AGBL4: variants seen among roughly 807,000 people sequenced by gnomAD.
AGBL4 encodes the protein cytosolic carboxypeptidase 6.
A neutral mutation model predicts 66.4 loss-of-function variants in AGBL4; 58 were observed. That is an observed-to-expected ratio of 0.87 (90% CI 0.71 to 1.09). The LOEUF (loss-of-function observed/expected upper bound fraction) is 1.09, where lower values mean the gene tolerates loss of function less well. Among genes scored for constraint, AGBL4 ranks in the 50% least tolerant of loss-of-function variants. AGBL4 has a pLI of 0.00. For missense variants in AGBL4, 579 were observed against 631.0 expected (o/e 0.92, Z 0.88); for synonymous variants, 234 against 222.9 (o/e 1.05, Z -0.44).
At chr1:49,149,692 T>C (rs559002337) in intron 4 of AGBL4, among the ~76,000 whole-genome samples, 1 of 152,318 alleles carries the variant, frequency 6.6e-6, no homozygotes, top group South Asian at 2.1e-4. Context: ...TTTGTAGCGG[T>C]ACCATGAATG....
chr1:49,187,384 A>AATCC (rs1208293940), intron 4 of AGBL4: 1 of 152,188 alleles, frequency 6.6e-6, no homozygotes, highest in Non-Finnish European at 1.5e-5. Flanking sequence ...TTCAAATAGG[A>AATCC]ATCCAGTCAT....
At chr1:48,827,818 A>G (rs968074930) in intron 6 of AGBL4, among the ~76,000 whole-genome samples, 2 of 152,168 alleles carry the variant, frequency 1.3e-5, no homozygotes, top group Non-Finnish European at 2.9e-5. Context: ...CACAAAAGTG[A>G]AAACAGGCTG....
intron 1 of AGBL4, among the ~76,000 whole-genome samples, chr1:50,012,445 C>T (rs1661620824): frequency 6.6e-6 from 1 of 152,190 alleles, no homozygotes; most frequent in East Asian, 1.9e-4. Flanking sequence ...TATATCAAAA[C>T]ATCACATGTA....
In AGBL4 at chr1:48,835,169, T is replaced by C. The variant is rs528296752; in HGVS notation, c.634+32022A>G. On this transcript the variant is annotated intron_variant, in intron 6 of 13. Coordinates refer to ENST00000371839, the MANE Select transcript of AGBL4 (RefSeq NM_032785.4). Reference sequence around the variant, plus strand: ...TATTTTATGCTACTAAATGGACTTATGGGTTTGGCCCTACTCAGTGAGGTT... The same window carrying C: ...TATTTTATGCTACTAAATGGACTTACGGGTTTGGCCCTACTCAGTGAGGTT... Among the ~76,000 whole-genome samples the C allele has an allele frequency of 6.6e-5, 10 of 152,258 alleles. No individual in the cohort carries two copies. In the East Asian group the frequency reaches 1.7e-3, roughly 26 times the overall value.
intron 9 of AGBL4, among the ~76,000 whole-genome samples, chr1:48,612,073 C>A (rs1336454021): frequency 2.0e-5 from 3 of 152,244 alleles, no homozygotes; most frequent in African/African-American, 4.8e-5. Context: ...TACTGAGGAG[C>A]AGTCACTGGC....
intron 5 of AGBL4, among the ~76,000 whole-genome samples, chr1:48,899,758 A>G (rs1193463196): frequency 6.6e-6 from 1 of 152,264 alleles, no homozygotes; most frequent in Non-Finnish European, 1.5e-5. Context: ...TTTATTGAGC[A>G]TCTACTATGT....
At chr1:49,670,521 A>G (rs577815022) in intron 3 of AGBL4, among the ~76,000 whole-genome samples, 1 of 152,302 alleles carries the variant, frequency 6.6e-6, no homozygotes, top group South Asian at 2.1e-4. Flanking sequence ...GATGAGTCAT[A>G]GGAGGGCTGA....
At chr1:49,384,638 C>T (rs1286508693) in intron 3 of AGBL4, among the ~76,000 whole-genome samples, 1 of 151,822 alleles carries the variant, frequency 6.6e-6, no homozygotes, top group Non-Finnish European at 1.5e-5. Flanking sequence ...AGCCAACAGG[C>T]ATATGAAAAG....
intron 6 of AGBL4, chr1:48,776,992 A>C: frequency 6.7e-6 from 1 of 149,194 alleles, no homozygotes; most frequent in Non-Finnish European, 1.3e-5. Flanking sequence ...TCCTGAAAGC[A>C]CCGTTCTGCC....
In AGBL4 at chr1:49,360,875, C is replaced by A. The variant is rs117500030; in HGVS notation, c.283-115011G>T. Among the ~76,000 whole-genome samples the A allele has an allele frequency of 5.1e-3, 782 of 152,172 alleles. 14 individuals carry two copies. The highest frequency in any genetic ancestry group is 0.04 in the East Asian group (209 of 5,172). On this transcript the variant is annotated intron_variant, in intron 3 of 13. Coordinates refer to ENST00000371839, the MANE Select transcript of AGBL4 (RefSeq NM_032785.4). ...TTGCCCAGGCTGGAGTACAGTGGCA[C>A]AACCTCTGCCTTCCAGGTTCAAGCA...
intron 11 of AGBL4, among the ~76,000 whole-genome samples, chr1:48,567,245 G>C (rs1200981569): frequency 6.6e-6 from 1 of 152,182 alleles, no homozygotes; most frequent in African/African-American, 2.4e-5. Flanking sequence ...ATTTCACCTT[G>C]CTAAATCTTA....
chr1:48,598,014 C>T (rs1645021778), intron 9 of AGBL4, among the ~76,000 whole-genome samples: 1 of 151,702 alleles, frequency 6.6e-6, no homozygotes, highest in Non-Finnish European at 1.5e-5. Flanking sequence ...AAACAAAGGC[C>T]CTAAAGCAAG....
intron 9 of AGBL4, among the ~76,000 whole-genome samples, chr1:48,594,073 C>T (rs1295476724): frequency 6.6e-6 from 1 of 152,142 alleles, no homozygotes; most frequent in Non-Finnish European, 1.5e-5. Context: ...CGCCTGTAAT[C>T]CCAGCACTTT....
At chr1:50,011,982 AC>A (rs1661571411) in intron 1 of AGBL4, among the ~76,000 whole-genome samples, 1 of 151,934 alleles carries the variant, frequency 6.6e-6, no homozygotes. Flanking sequence ...ACAAGGTGAA[AC>A]CCCGTCTCTA....
At chr1:48,773,259 AT>A (rs1225501577) in intron 6 of AGBL4, among the ~76,000 whole-genome samples, 3 of 152,094 alleles carry the variant, frequency 2.0e-5, no homozygotes, top group Non-Finnish European at 4.4e-5. Context: ...TAAAAAAAAA[AT>A]AAAATTCAAC....
At chr1:49,996,321 A>G (rs1339101236) in intron 1 of AGBL4, 1 of 152,212 alleles carries the variant, frequency 6.6e-6, no homozygotes, top group Non-Finnish European at 1.5e-5. Flanking sequence ...TAAATATTAA[A>G]GAATATGGAT....
At chr1:49,100,039 G>C (rs375911887) in intron 4 of AGBL4, among the ~76,000 whole-genome samples, 2 of 152,134 alleles carry the variant, frequency 1.3e-5, no homozygotes, top group Non-Finnish European at 2.9e-5. Context: ...GGTACAACTT[G>C]AGGGAGCTTG....
intron 6 of AGBL4, among the ~76,000 whole-genome samples, chr1:48,806,115 T>TTCTGAAATTAGGTTCTGA (rs1329104783): frequency 6.6e-6 from 1 of 152,162 alleles, no homozygotes; most frequent in Non-Finnish European, 1.5e-5. Flanking sequence ...GATGGAAAGG[T>TTCTGAAATTAGGTTCTGA]ATGAGATTAG....
intron 5 of AGBL4, among the ~76,000 whole-genome samples, chr1:48,941,196 A>G (rs1425379949): frequency 2.0e-5 from 3 of 152,228 alleles, no homozygotes; most frequent in African/African-American, 7.2e-5. Context: ...GCCTGAGCAT[A>G]TGACCCAGAT....
Sources: gnomAD v4.1 joint callset for allele counts (sites outside exome capture counted in the v4.1 genomes callset) on GRCh38, gnomAD v4.1.1 for gene constraint, MANE v1.5 for transcripts, NCBI Gene and HGNC (gene_info 2026-07-23, HGNC 2026-07-21) for gene names.